The following ZNF410 variants were observed in gnomAD, a reference collection of about 807,000 sequenced individuals.
ZNF410 encodes another partner for ARF 1.
ZNF410 carries 18 observed loss-of-function variants against 54.8 expected under a neutral mutation model. That is an observed-to-expected ratio of 0.33 (90% CI 0.23 to 0.49). The LOEUF (loss-of-function observed/expected upper bound fraction) is 0.49. Among genes scored for constraint, ZNF410 ranks in the 20% least tolerant of loss-of-function variants. The pLI, the probability that ZNF410 is intolerant of heterozygous loss-of-function variation, is 0.99. For missense variants in ZNF410, 405 were observed against 569.6 expected (o/e 0.71, Z 2.94); for synonymous variants, 191 against 207.3 (o/e 0.92, Z 0.68).
At chr14:73,901,958 A>G (rs539703016) in intron 5 of ZNF410, among the ~76,000 whole-genome samples, 2 of 152,044 alleles carry the variant, frequency 1.3e-5, no homozygotes, top group South Asian at 2.1e-4. Flanking sequence ...AAAAAATTTA[A>G]AAGAAAAAAG....
chr14:73,921,660 A>T lies in ZNF410; in HGVS notation c.1130-406A>T, dbSNP rs1190642589. 2.0e-5 allele frequency among the ~76,000 whole-genome samples: 3 copies of T among 152,072 alleles called. No individual in the cohort carries two copies. The East Asian group carries it at 5.8e-4, about 29-fold the overall frequency. On this transcript the variant is annotated intron_variant, in intron 9 of 11. Transcript: ENST00000555044. ...ACCTGGCTGATTTTTATATTTTTGTAGAGACGGGGTTTCACCATGTTGGCC... is the reference window on the plus strand; with the variant it reads ...ACCTGGCTGATTTTTATATTTTTGTTGAGACGGGGTTTCACCATGTTGGCC...
At chr14:73,928,498 CGTG>C (rs2055866794) in intron 11 of ZNF410, among the ~76,000 whole-genome samples, 1 of 152,154 alleles carries the variant, frequency 6.6e-6, no homozygotes, top group African/African-American at 2.4e-5. Context: ...TAGGGTATGA[CGTG>C]ATCAGATTTG....
intron 7 of ZNF410, among the ~76,000 whole-genome samples, chr14:73,908,482 GA>G (rs1188998397): frequency 1.3e-5 from 2 of 151,920 alleles, no homozygotes; most frequent in African/African-American, 2.4e-5. Context: ...TTAAAACATT[GA>G]AAAAAGCTAC....
intron 5 of ZNF410, among the ~76,000 whole-genome samples, chr14:73,902,991 G>A (rs2055430487): frequency 6.6e-6 from 1 of 152,168 alleles, no homozygotes; most frequent in Non-Finnish European, 1.5e-5. Flanking sequence ...GGGTGGTACA[G>A]GAAATTGGAA....
intron 5 of ZNF410, among the ~76,000 whole-genome samples, chr14:73,899,721 A>G (rs772253630): frequency 3.9e-5 from 6 of 152,038 alleles, no homozygotes; most frequent in East Asian, 1.9e-4. Flanking sequence ...CTTAGCTTCA[A>G]TTTTCTTACG....
chr14:73,893,922 A>G lies in ZNF410; in HGVS notation c.159A>G (p.Leu53=), dbSNP rs1168472800. 1.2e-6 allele frequency: 2 copies of G among 1,609,264 alleles called. No individual in the cohort carries two copies. The highest frequency in any genetic ancestry group is 2.2e-5 in the South Asian group (2 of 90,102). The change falls in exon 3 of 12, where the codon CTA becomes CTG. Residue 53 remains leucine, a synonymous_variant. Coordinates refer to ENST00000555044, the MANE Select transcript of ZNF410 (RefSeq NM_021188.3). The stretch of plus-strand genomic sequence containing the variant: ...CTGAAGCCTCAGAATGCAGTCGGCT[A>G]ATGTTACCAGGTAAAAATTAAGATC... ...PVTEASECSR[L]MLPDDTTNHS...
intron 9 of ZNF410, among the ~76,000 whole-genome samples, chr14:73,921,786 T>G (rs1255546398): frequency 6.6e-6 from 1 of 152,232 alleles, no homozygotes; most frequent in East Asian, 1.9e-4. Context: ...ATATCTTTCC[T>G]TAATTATTCC....
rs142965330 is a variant in ZNF410, at chr14:73,904,524, C to T, written c.732-378C>T. On this transcript the variant is annotated intron_variant, in intron 6 of 11. Transcript: ENST00000555044. Reference sequence around the variant, plus strand: ...TGTCACCCAGGGTGGAGTACAGTGGCGCCATCATAGCTCACTGCAGCCTCG... The same window carrying T: ...TGTCACCCAGGGTGGAGTACAGTGGTGCCATCATAGCTCACTGCAGCCTCG... Among the ~76,000 whole-genome samples, 157 of 152,210 alleles carry T rather than the reference C, an allele frequency of 1.0e-3. 4 individuals carry two copies. The highest frequency in any genetic ancestry group is 3.6e-3 in the African/African-American group (150 of 41,516).
In ZNF410 at chr14:73,912,427, G is replaced by GTT. The variant is rs201323776; in HGVS notation, c.1003+2997_1003+2998insTT. On this transcript the variant is annotated intron_variant, in intron 8 of 11. Transcript: ENST00000555044. ...AGTGCTCTGCCTGCCTTGGCCTCCC[G>GTT]AAGTGCTGGGATTACAGGCACGTGC... Among the ~76,000 whole-genome samples the GTT allele has an allele frequency of 5.1e-3, 773 of 152,152 alleles. 20 individuals are homozygous for GTT. Among genetic ancestry groups the GTT allele is most frequent in the Admixed American group, 0.038 (586 of 15,276 alleles).
At chr14:73,923,954 C>T (rs891114966) in intron 11 of ZNF410, among the ~76,000 whole-genome samples, 1 of 152,124 alleles carries the variant, frequency 6.6e-6, no homozygotes, top group Admixed American at 6.6e-5. Context: ...CCTAGAGATC[C>T]CTTTCTTTTC....
chr14:73,907,606 T>A (rs1164740647), intron 7 of ZNF410, among the ~76,000 whole-genome samples: 2 of 150,464 alleles, frequency 1.3e-5, no homozygotes, highest in South Asian at 2.1e-4. Flanking sequence ...AAAAAAAAAA[T>A]TTTGACTGGG....
chr14:73,907,202 C>T (rs567637236), intron 7 of ZNF410, among the ~76,000 whole-genome samples: 4 of 152,272 alleles, frequency 2.6e-5, no homozygotes, highest in African/African-American at 9.6e-5. Flanking sequence ...TCTGATATGA[C>T]CCCAAAGCTC....
chr14:73,914,626 CTTTTTTTTTTT>C (rs771997792), intron 8 of ZNF410: 2 of 112,018 alleles, frequency 1.8e-5, no homozygotes, highest in African/African-American at 3.5e-5. Context: ...CCTTAATTTC[CTTTTTTTTTTT>C]TTTTTTTTGG....
intron 5 of ZNF410, among the ~76,000 whole-genome samples, chr14:73,900,090 G>A (rs1348173602): frequency 8.7e-6 from 1 of 115,192 alleles, no homozygotes; most frequent in Non-Finnish European, 2.0e-5. Flanking sequence ...AGCTACTCAG[G>A]AAGGCTGAGA....
chr14:73,896,958 C>T (rs1447483985), intron 4 of ZNF410, among the ~76,000 whole-genome samples: 2 of 152,044 alleles, frequency 1.3e-5, no homozygotes, highest in Admixed American at 6.6e-5. Flanking sequence ...AGAGAAGTCT[C>T]AAGCATAAAC....
chr14:73,921,544 C>G (rs1268849276), intron 9 of ZNF410, among the ~76,000 whole-genome samples: 4 of 152,132 alleles, frequency 2.6e-5, no homozygotes, highest in Non-Finnish European at 4.4e-5. Context: ...GTGGCGCCAT[C>G]TCGACTCACT....
rs1312478331 is a variant in ZNF410, at chr14:73,926,791, A to G, written c.1398+3269A>G. On this transcript the variant is annotated intron_variant, in intron 11 of 11. Coordinates refer to ENST00000555044, the MANE Select transcript of ZNF410 (RefSeq NM_021188.3). ...CCCACATTCTGGTTTTGGCTGATTG[A>G]CTCCTTTTGTTAATATTAATTTCTC... is the stretch of plus-strand genomic sequence containing the variant. Among the ~76,000 whole-genome samples, 4 of 151,254 alleles carry G rather than the reference A, an allele frequency of 2.6e-5. No homozygotes were observed. In the East Asian group the frequency reaches 7.8e-4, roughly 29 times the overall value.
chr14:73,905,950 C>T lies in ZNF410; in HGVS notation c.913+867C>T, dbSNP rs926514778. 2.3e-3 allele frequency among the ~76,000 whole-genome samples: 46 copies of T among 19,692 alleles called. 1 individual carries two copies. The highest frequency in any genetic ancestry group is 5.3e-3 in the African/African-American group (44 of 8,266). 12.9% of individuals were successfully genotyped at this position (19,692 alleles called of 152,430 possible). On this transcript the variant is annotated intron_variant, in intron 7 of 11. Transcript: ENST00000555044. ...ACACATACATACATATATATACACA[C>T]ACACACACACACACACACATATATA...
rs186488244 is a variant in ZNF410, at chr14:73,901,296, C to T, written c.581-2664C>T. On this transcript the variant is annotated intron_variant, in intron 5 of 11. Coordinates refer to ENST00000555044, the MANE Select transcript of ZNF410 (RefSeq NM_021188.3). ...TAACAGAAACCATACGGCAGCCGGG[C>T]GCAGTGGTTCACACCTATAATCCCA... 1.2e-3 allele frequency among the ~76,000 whole-genome samples: 180 copies of T among 152,220 alleles called. 1 individual carries two copies. The Middle Eastern group carries it at 0.014, about 12-fold the overall frequency.
Sources: allele counts gnomAD v4.1 joint callset (sites outside exome capture counted in the v4.1 genomes callset), GRCh38; gene constraint gnomAD v4.1.1; transcripts MANE v1.5; gene names NCBI Gene and HGNC (gene_info 2026-07-23, HGNC 2026-07-21).